The following MSI2 variants were observed in gnomAD, a reference collection of about 807,000 sequenced individuals.
The protein encoded by MSI2 is musashi RNA binding protein 2, also known as RNA-binding protein Musashi homolog 2.
MSI2 carries 17 observed loss-of-function variants against 45.6 expected under a neutral mutation model. That is an observed-to-expected ratio of 0.37 (90% CI 0.26 to 0.56). MSI2 has a LOEUF of 0.56. MSI2 is among the 20% of genes least tolerant of loss of function. The pLI is 0.77. For synonymous variants in MSI2, 156 were observed against 158.2 expected, an observed-to-expected ratio of 0.99 and a Z score of 0.11; for missense variants, 293 against 444.2, an observed-to-expected ratio of 0.66 and a Z score of 3.06.
intron 5 of MSI2, among the ~76,000 whole-genome samples, chr17:57,303,677 C>A (rs1234177670): frequency 6.6e-6 from 1 of 152,164 alleles, no homozygotes; most frequent in Non-Finnish European, 1.5e-5. Flanking sequence ...ACTCGGAATA[C>A]CTGTCAACAC....
intron 10 of MSI2, 110 bp from the exon 11 acceptor site, chr17:57,651,989 A>C (rs901563391): frequency 1.0e-6 from 1 of 994,464 alleles, no homozygotes; most frequent in Non-Finnish European, 1.6e-6. Context: ...ATCCCTTCCC[A>C]CTCCTGTCTT....
chr17:57,567,550 G>A (rs2087765093), intron 7 of MSI2, among the ~76,000 whole-genome samples: 2 of 152,206 alleles, frequency 1.3e-5, no homozygotes, highest in Non-Finnish European at 2.9e-5. Flanking sequence ...TCCATGCTGG[G>A]TTACTGTAAA....
At chr17:57,355,873 C>T (rs912574294) in intron 5 of MSI2, among the ~76,000 whole-genome samples, 2 of 152,196 alleles carry the variant, frequency 1.3e-5, no homozygotes, top group African/African-American at 4.8e-5. Flanking sequence ...ATTTAGATGA[C>T]ATAGGCTATG....
At chr17:57,632,211 A>G (rs1909444442) in intron 10 of MSI2, 1 of 1,117,976 alleles carries the variant, frequency 8.9e-7, no homozygotes, top group African/African-American at 1.6e-5. Flanking sequence ...GGGACATATC[A>G]TGGGGTGAGC....
At chr17:57,266,323 G>T (rs1048122042) in intron 5 of MSI2, 1 of 152,030 alleles carries the variant, frequency 6.6e-6, no homozygotes, top group Admixed American at 6.5e-5. Context: ...ACAGCACTCC[G>T]CAAATGTCTG....
rs538667396 is a variant in MSI2, at chr17:57,533,199, C to G, written c.454+3475C>G. ...ATCTGCATGGCGGCAGCTTGTATCT[C>G]CCATCCACAGGAGCACCAGCCTGGG... On this transcript the variant is annotated intron_variant, in intron 7 of 13. Coordinates refer to ENST00000284073, the MANE Select transcript of MSI2 (RefSeq NM_138962.4). Among the ~76,000 whole-genome samples the G allele has an allele frequency of 3.3e-5, 5 of 152,206 alleles. No individual in the cohort carries two copies. In the South Asian group the frequency reaches 8.3e-4, roughly 25 times the overall value.
Position 57,454,009 on chromosome 17 carries a change from T to G in MSI2, c.405+52538T>G, listed in dbSNP as rs538910841. Among the ~76,000 whole-genome samples the G allele has an allele frequency of 3.3e-4, 51 of 152,352 alleles. 2 individuals are homozygous for G. The South Asian group carries it at 0.011, about 32-fold the overall frequency. ...GAAAGGGCTGCATGACCCTGTGTGC[T>G]ATTACCCACCTGTTGGCCGCCAAGG... On this transcript the variant is annotated intron_variant, in intron 6 of 13. Transcript: ENST00000284073.
intron 8 of MSI2, among the ~76,000 whole-genome samples, chr17:57,599,662 A>G (rs1040539840): frequency 1.2e-4 from 18 of 152,306 alleles, no homozygotes; most frequent in Middle Eastern, 3.4e-3. Context: ...GACAAGAGGA[A>G]GAAGTGGGGG....
At chr17:57,594,969 G>T (rs1398012726) in intron 7 of MSI2, among the ~76,000 whole-genome samples, 3 of 152,206 alleles carry the variant, frequency 2.0e-5, no homozygotes, top group Non-Finnish European at 4.4e-5. Context: ...GATCACGATT[G>T]CTGTGTTTCG....
At chr17:57,256,240 C>T (rs1416900649), upstream of MSI2, among the ~76,000 whole-genome samples, 7 of 151,870 alleles carry the variant, frequency 4.6e-5, no homozygotes, top group Non-Finnish European at 8.8e-5. Flanking sequence ...AGTCGGGGTG[C>T]GCTCCCCCTC....
At chr17:57,506,823 C>T (rs1185579960) in intron 6 of MSI2, among the ~76,000 whole-genome samples, 2 of 152,104 alleles carry the variant, frequency 1.3e-5, no homozygotes, top group African/African-American at 4.8e-5. Context: ...TTAGACAGGG[C>T]GTCTTGGGAG....
chr17:57,555,222 G>T (rs1291242813), intron 7 of MSI2, among the ~76,000 whole-genome samples: 1 of 152,130 alleles, frequency 6.6e-6, no homozygotes, highest in Non-Finnish European at 1.5e-5. Context: ...CCAGCTCTGG[G>T]TCGCCCTGTC....
Position 57,456,341 on chromosome 17 carries a change from G to A in MSI2, c.405+54870G>A, listed in dbSNP as rs554028485. On this transcript the variant is annotated intron_variant, in intron 6 of 13. Coordinates refer to ENST00000284073, the MANE Select transcript of MSI2 (RefSeq NM_138962.4). ...CATCACAGCTTTGGCCGGGCGCAGT[G>A]GCTCACGCCTATAATCCCAGCACTT... is the stretch of plus-strand genomic sequence containing the variant. Among the ~76,000 whole-genome samples the A allele has an allele frequency of 5.8e-4, 89 of 152,298 alleles. 1 individual carries two copies. The South Asian group carries it at 0.016, about 28-fold the overall frequency.
chr17:57,541,307 A>G (rs1410155982), intron 7 of MSI2, among the ~76,000 whole-genome samples: 1 of 152,194 alleles, frequency 6.6e-6, no homozygotes, highest in Non-Finnish European at 1.5e-5. Flanking sequence ...GACACAAACC[A>G]TACTCATTAG....
chr17:57,286,148 G>C (rs1909855424), intron 5 of MSI2: 3 of 567,366 alleles, frequency 5.3e-6, no homozygotes, highest in Non-Finnish European at 5.6e-6. Flanking sequence ...TTGGGATTTT[G>C]AGAGAATAAT....
At chr17:57,269,896 G>A (rs550402224) in intron 5 of MSI2, among the ~76,000 whole-genome samples, 5 of 152,264 alleles carry the variant, frequency 3.3e-5, no homozygotes, top group South Asian at 2.1e-4. Flanking sequence ...TCTGCTTTCC[G>A]TGTGGTGTGA....
intron 7 of MSI2, among the ~76,000 whole-genome samples, chr17:57,546,416 C>T (rs908963889): frequency 3.3e-5 from 5 of 152,124 alleles, no homozygotes; most frequent in East Asian, 1.9e-4. Context: ...CTAATAAAAA[C>T]GAACAAATGA....
chr17:57,483,531 T>C (rs965749510), intron 6 of MSI2, among the ~76,000 whole-genome samples: 1 of 152,200 alleles, frequency 6.6e-6, no homozygotes, highest in Non-Finnish European at 1.5e-5. Flanking sequence ...GAACCACTGC[T>C]GCCAGGTACT....
intron 5 of MSI2, among the ~76,000 whole-genome samples, chr17:57,399,496 C>G (rs1462196019): frequency 6.6e-6 from 1 of 151,602 alleles, no homozygotes; most frequent in African/African-American, 2.4e-5. Context: ...CAAGAGCTCC[C>G]TGGAGTCTAC....
Sources: allele counts gnomAD v4.1 joint callset (sites outside exome capture counted in the v4.1 genomes callset), GRCh38; gene constraint gnomAD v4.1.1; transcripts MANE v1.5; gene names NCBI Gene and HGNC (gene_info 2026-07-23, HGNC 2026-07-21).